The following TENM3 variants were observed in gnomAD, a reference collection of about 807,000 sequenced individuals.
TENM3 encodes the protein teneurin transmembrane protein 3, also known as teneurin-3.
Under a neutral mutation model 255.1 loss-of-function variants are expected in TENM3, and 63 were observed. The ratio of observed to expected loss-of-function variants is 0.25; its 90% CI spans 0.20 to 0.30. The LOEUF (loss-of-function observed/expected upper bound fraction) is 0.30, where lower values mean the gene tolerates loss of function less well. Among genes scored for constraint, TENM3 ranks in the 10% least tolerant of loss-of-function variants. TENM3 has a pLI of 1.00. For missense variants in TENM3, 2,929 were observed against 3,461.1 expected (o/e 0.85, Z 3.86); for synonymous variants, 1,306 against 1,322.3 (o/e 0.99, Z 0.27).
chr4:181,939,255 G>A, the TENM3 span, among the ~76,000 whole-genome samples: 1 of 152,140 alleles, frequency 6.6e-6, no homozygotes, highest in Non-Finnish European at 1.5e-5. Context: ...TAGTCCTGCA[G>A]GAAGGAAGGT....
At chr4:181,522,444 A>G in the TENM3 span, among the ~76,000 whole-genome samples, 1 of 152,152 alleles carries the variant, frequency 6.6e-6, no homozygotes, top group African/African-American at 2.4e-5. Context: ...AGAGCCTCCA[A>G]CCTTTTTTCT....
the TENM3 span, among the ~76,000 whole-genome samples, chr4:181,451,773 T>A: frequency 6.6e-6 from 1 of 152,216 alleles, no homozygotes; most frequent in Non-Finnish European, 1.5e-5. Flanking sequence ...CTAAGATGCA[T>A]ATATCCTGAA....
the TENM3 span, among the ~76,000 whole-genome samples, chr4:181,633,620 G>C: frequency 1.3e-5 from 2 of 152,038 alleles, no homozygotes; most frequent in Non-Finnish European, 2.9e-5. Flanking sequence ...ATCTGATTTC[G>C]TCCAGAGCCT....
At chr4:182,254,333 C>CTCT (rs370881467) in intron 1 of TENM3, among the ~76,000 whole-genome samples, 15 of 146,342 alleles carry the variant, frequency 1.0e-4, no homozygotes, top group African/African-American at 3.2e-4. Context: ...TTCTCTCTCT[C>CTCT]TTTTTTTTTT....
the TENM3 span, among the ~76,000 whole-genome samples, chr4:181,892,013 C>T: frequency 6.6e-6 from 1 of 152,192 alleles, no homozygotes; most frequent in Non-Finnish European, 1.5e-5. Flanking sequence ...GAGGACATAG[C>T]ATTTGTCCAG....
chr4:182,185,818 C>T (rs930798477), intron 1 of TENM3, among the ~76,000 whole-genome samples: 10 of 152,318 alleles, frequency 6.6e-5, no homozygotes, highest in South Asian at 2.1e-4. Flanking sequence ...ATAGTGCATA[C>T]GCTTCGCAGT....
chr4:181,659,820 TTTTATCACTTTTCCCCCAA>T, the TENM3 span, among the ~76,000 whole-genome samples: 4 of 152,142 alleles, frequency 2.6e-5, no homozygotes, highest in African/African-American at 9.7e-5. Context: ...CATATTTCCT[TTTTATCACTTTTCCCCCAA>T]GTAGTACTGT....
the TENM3 span, among the ~76,000 whole-genome samples, chr4:181,503,155 G>A: frequency 7.2e-5 from 11 of 152,062 alleles, no homozygotes; most frequent in Admixed American, 2.6e-4. Flanking sequence ...CCTTGAGGCC[G>A]GGAGTTTGAG....
chr4:181,678,539 T>C, the TENM3 span, among the ~76,000 whole-genome samples: 1 of 152,052 alleles, frequency 6.6e-6, no homozygotes, highest in African/African-American at 2.4e-5. Context: ...AAAACTCTAG[T>C]GCCAAGCTCA....
At chr4:182,500,735 G>C (rs1736230547) in intron 3 of TENM3, among the ~76,000 whole-genome samples, 1 of 152,096 alleles carries the variant, frequency 6.6e-6, no homozygotes. Flanking sequence ...AGCACTGTTT[G>C]TAATTGCCAA....
At chr4:182,756,479 A>AG (rs1236966865) in intron 22 of TENM3, among the ~76,000 whole-genome samples, 2 of 152,202 alleles carry the variant, frequency 1.3e-5, no homozygotes, top group East Asian at 1.9e-4. Flanking sequence ...ACAAGCCATG[A>AG]GGGGAAATGA....
the TENM3 span, among the ~76,000 whole-genome samples, chr4:181,918,690 G>A: frequency 6.6e-6 from 1 of 151,748 alleles, no homozygotes; most frequent in Non-Finnish European, 1.5e-5. Context: ...AATTCTAGCT[G>A]CTTGACTTCT....
intron 6 of TENM3, 149 bp downstream of exon 6, chr4:182,654,042 T>A: frequency 1.4e-6 from 1 of 738,038 alleles, no homozygotes; most frequent in Non-Finnish European, 1.9e-6. Context: ...TTTTTTCAAT[T>A]AATTTACTTG....
At chr4:182,112,260 C>T in the TENM3 span, among the ~76,000 whole-genome samples, 4 of 152,096 alleles carry the variant, frequency 2.6e-5, no homozygotes, top group African/African-American at 9.7e-5. Flanking sequence ...CCCAACAAAA[C>T]CCCAACCCCA....
intron 2 of TENM3, among the ~76,000 whole-genome samples, chr4:182,326,312 G>A (rs1378329175): frequency 6.6e-6 from 1 of 152,144 alleles, no homozygotes; most frequent in Non-Finnish European, 1.5e-5. Context: ...CCCTGGTGAG[G>A]TGGGTCCCGG....
chr4:182,340,097 G>T (rs1949351), intron 2 of TENM3, among the ~76,000 whole-genome samples: 1 of 151,734 alleles, frequency 6.6e-6, no homozygotes, highest in Non-Finnish European at 1.5e-5. Flanking sequence ...GCATATGTTC[G>T]TCCTCCCCTG....
At chr4:181,463,652 G>T in the TENM3 span, among the ~76,000 whole-genome samples, 4 of 152,206 alleles carry the variant, frequency 2.6e-5, 1 homozygote, top group South Asian at 8.3e-4. Context: ...ATTGAGATAT[G>T]GTTCATAAAC....
intron 1 of TENM3, among the ~76,000 whole-genome samples, chr4:182,168,901 A>C (rs1751902983): frequency 6.6e-6 from 1 of 152,168 alleles, no homozygotes; most frequent in African/African-American, 2.4e-5. Flanking sequence ...CTGAAAAAAT[A>C]ACACACTGTA....
intron 3 of TENM3, among the ~76,000 whole-genome samples, chr4:182,559,027 G>T (rs915922399): frequency 7.9e-5 from 12 of 152,008 alleles, no homozygotes; most frequent in African/African-American, 2.9e-4. Context: ...CAGGGTGTCA[G>T]CTGTGACCAC....
Sources: allele counts gnomAD v4.1 joint callset (sites outside exome capture counted in the v4.1 genomes callset), GRCh38; gene constraint gnomAD v4.1.1; transcripts MANE v1.5; gene names NCBI Gene and HGNC (gene_info 2026-07-23, HGNC 2026-07-21).